LRRC7: variants seen among roughly 807,000 people sequenced by gnomAD.
LRRC7 encodes leucine rich repeat containing 7.
A neutral mutation model predicts 175.7 loss-of-function variants in LRRC7; 23 were observed. The ratio of observed to expected loss-of-function variants is 0.13; its 90% CI spans 0.09 to 0.19. The LOEUF is 0.19. Ranked by LOEUF, LRRC7 falls within the 10% of genes least tolerant of loss-of-function variation. LRRC7 has a pLI of 1.00. For synonymous variants in LRRC7, 685 were observed against 680.9 expected, an observed-to-expected ratio of 1.01 and a Z score of -0.09; for missense variants, 1,354 against 1,904.7, an observed-to-expected ratio of 0.71 and a Z score of 5.38.
intron 2 of LRRC7, among the ~76,000 whole-genome samples, chr1:69,706,029 C>T (rs906277185): frequency 6.6e-6 from 1 of 152,140 alleles, no homozygotes; most frequent in Non-Finnish European, 1.5e-5. Context: ...ATGCAACTCT[C>T]TTCTTTTCGT....
chr1:69,933,001 T>A (rs1411930499), intron 8 of LRRC7, among the ~76,000 whole-genome samples: 1 of 152,222 alleles, frequency 6.6e-6, no homozygotes, highest in Non-Finnish European at 1.5e-5. Flanking sequence ...ATTGCTATAC[T>A]CAGCTCTCAC....
chr1:69,838,391 T>A, intron 7 of LRRC7, 108 bp downstream of exon 7: 1 of 874,056 alleles, frequency 1.1e-6, no homozygotes, highest in Non-Finnish European at 1.9e-6. Context: ...TTAATTTATC[T>A]ACACATTTTT....
chr1:69,926,250 TGTGTG>T (rs1318765990), intron 7 of LRRC7, among the ~76,000 whole-genome samples: 2 of 131,458 alleles, frequency 1.5e-5, no homozygotes, highest in Non-Finnish European at 3.3e-5. Context: ...ATAGGTGTGG[TGTGTG>T]GTGTGGTGCT....
At chr1:69,860,779 A>G (rs1379205772) in intron 7 of LRRC7, among the ~76,000 whole-genome samples, 1 of 152,072 alleles carries the variant, frequency 6.6e-6, no homozygotes, top group Non-Finnish European at 1.5e-5. Context: ...TTATTGAAGG[A>G]CATAAAAGAA....
At chr1:70,009,889 G>A (rs1656342761) in intron 11 of LRRC7, among the ~76,000 whole-genome samples, 1 of 152,036 alleles carries the variant, frequency 6.6e-6, no homozygotes, top group African/African-American at 2.4e-5. Context: ...CATGGACAGT[G>A]GTACTTGATT....
At chr1:69,957,930 A>G (rs1004055295) in intron 8 of LRRC7, among the ~76,000 whole-genome samples, 8 of 151,972 alleles carry the variant, frequency 5.3e-5, no homozygotes, top group African/African-American at 1.9e-4. Context: ...ATATTTTCAG[A>G]GGTTAGCTCA....
At chr1:70,056,440 A>C (rs534007283) in intron 23 of LRRC7, among the ~76,000 whole-genome samples, 7 of 152,310 alleles carry the variant, frequency 4.6e-5, no homozygotes, top group African/African-American at 1.7e-4. Context: ...CTATGCCTCA[A>C]CTTTAGTACT....
At chr1:69,573,286 C>G (rs1002922993) in intron 1 of LRRC7, among the ~76,000 whole-genome samples, 2 of 152,150 alleles carry the variant, frequency 1.3e-5, no homozygotes, top group Non-Finnish European at 2.9e-5. Context: ...CTCTCTTCTT[C>G]ATGGCATAAA....
rs1180493783 is a variant in LRRC7 at position 70,132,256 on chromosome 1, ATG to A, written c.*10371_*10372del. On this transcript the variant is annotated 3_prime_UTR_variant, in exon 27 of 27. Transcript: ENST00000651989. ...TCTGCCTTCCCTCCTGCTCTTCCAG[ATG>A]TCAAAAGAAGAATTTACAGTGAAAA... The A allele has an allele frequency of 1.3e-5, 2 of 152,144 alleles. No homozygotes were observed. Among genetic ancestry groups the A allele is most frequent in the African/African-American group, 4.8e-5 (2 of 41,406 alleles). The allele number at this position is 152,144 out of a possible 1,614,324, so 9.4% of individuals were successfully genotyped here.
chr1:69,824,692 A>G (rs1312479481), intron 4 of LRRC7, among the ~76,000 whole-genome samples: 1 of 152,118 alleles, frequency 6.6e-6, no homozygotes, highest in African/African-American at 2.4e-5. Context: ...AATGAAATCT[A>G]AAAAGGTGGA....
At chr1:69,859,029 T>C (rs1266074614) in intron 7 of LRRC7, among the ~76,000 whole-genome samples, 1 of 152,102 alleles carries the variant, frequency 6.6e-6, no homozygotes. Flanking sequence ...TTGACAGCAA[T>C]ACAATAAATT....
At chr1:70,092,364 A>G (rs961848751) in intron 25 of LRRC7, among the ~76,000 whole-genome samples, 1 of 152,160 alleles carries the variant, frequency 6.6e-6, no homozygotes, top group South Asian at 2.1e-4. Flanking sequence ...AAACTTTAAT[A>G]TGATACATAC....
chr1:70,001,464 T>A (rs1655513428), intron 11 of LRRC7, among the ~76,000 whole-genome samples: 1 of 152,190 alleles, frequency 6.6e-6, no homozygotes, highest in African/African-American at 2.4e-5. Flanking sequence ...TGGATAATTA[T>A]CTTAAAAGTA....
At chr1:69,839,688 A>T (rs1280283028) in intron 7 of LRRC7, among the ~76,000 whole-genome samples, 2 of 152,130 alleles carry the variant, frequency 1.3e-5, no homozygotes, top group African/African-American at 4.8e-5. Flanking sequence ...CAAGGAAAAA[A>T]TATTGAGTAT....
chr1:70,015,337 T>G (rs1656873205), intron 13 of LRRC7, among the ~76,000 whole-genome samples: 1 of 152,090 alleles, frequency 6.6e-6, no homozygotes, highest in African/African-American at 2.4e-5. Flanking sequence ...TTTTAAGAAG[T>G]GTTTAACTGC....
chr1:69,701,146 C>T (rs952299999), intron 2 of LRRC7, among the ~76,000 whole-genome samples: 4 of 152,068 alleles, frequency 2.6e-5, no homozygotes, highest in African/African-American at 9.7e-5. Context: ...CAGACCAAAC[C>T]TCAATAAACT....
intron 25 of LRRC7, among the ~76,000 whole-genome samples, chr1:70,093,655 C>T (rs1024184562): frequency 3.3e-5 from 5 of 151,936 alleles, no homozygotes; most frequent in Non-Finnish European, 7.4e-5. Flanking sequence ...TCAACAAGTC[C>T]TTGGGAGTCA....
intron 2 of LRRC7, among the ~76,000 whole-genome samples, chr1:69,687,552 G>T (rs10437084): frequency 3.1e-5 from 4 of 130,664 alleles, no homozygotes; most frequent in African/African-American, 8.4e-5. Flanking sequence ...AAAAGAAAAA[G>T]AAAAGAAAAA....
chr1:69,809,780 T>C (rs991661367), intron 4 of LRRC7, among the ~76,000 whole-genome samples: 3 of 152,178 alleles, frequency 2.0e-5, no homozygotes, highest in East Asian at 1.9e-4. Flanking sequence ...TATCTCAATG[T>C]AATAAGAGCT....
Sources: allele counts gnomAD v4.1 joint callset (sites outside exome capture counted in the v4.1 genomes callset), GRCh38; gene constraint gnomAD v4.1.1; transcripts MANE v1.5; gene names NCBI Gene and HGNC (gene_info 2026-07-23, HGNC 2026-07-21).